The following NOP9 variants were observed in gnomAD, a reference collection of about 807,000 sequenced individuals.
NOP9 encodes the protein nucleolar protein 9.
A neutral mutation model predicts 63.0 loss-of-function variants in NOP9; 50 were observed. The observed-to-expected ratio is 0.79, with a 90% CI of 0.63 to 1.00. The LOEUF (loss-of-function observed/expected upper bound fraction) is 1.00. Ranked by LOEUF, NOP9 falls within the 50% of genes least tolerant of loss-of-function variation. The probability of loss-of-function intolerance (pLI) is 0.00; values close to 1 mark genes in which losing one functional copy is unlikely to be tolerated. For synonymous variants in NOP9, 343 were observed against 332.8 expected (o/e 1.03, Z -0.33); for missense variants, 758 against 803.0 (o/e 0.94, Z 0.68).
chr14:24,297,696 C>T (rs1175630114), upstream of NOP9, among the ~76,000 whole-genome samples: 1 of 152,032 alleles, frequency 6.6e-6, no homozygotes, highest in South Asian at 2.1e-4. Context: ...CTTCCAAGAC[C>T]CACTCTTTCC....
chr14:24,301,730 G>A lies in NOP9; in HGVS notation c.808+8G>A, dbSNP rs1375645801. The A allele has an allele frequency of 6.2e-7, 1 of 1,613,834 alleles. No homozygotes were observed. Among genetic ancestry groups the A allele is most frequent in the Non-Finnish European group, 8.5e-7 (1 of 1,179,718 alleles). On this transcript the variant is annotated splice_region_variant and intron_variant, in intron 3 of 9. Coordinates refer to ENST00000267425, the MANE Select transcript of NOP9 (RefSeq NM_174913.3). ...TTCTGAAGGACATTGCAGGTAAGGA[G>A]GGAAGTAGGAGGATGGTCTCGTATC...
the NOP9 span, chr14:24,291,072 G>A: frequency 8.1e-6 from 13 of 1,612,800 alleles, no homozygotes; most frequent in East Asian, 4.5e-5. Context: ...TGGAGAGACC[G>A]AGGGAGGAGT....
At chr14:24,292,403 A>G in the NOP9 span, 2 of 1,590,128 alleles carry the variant, frequency 1.3e-6, no homozygotes, top group South Asian at 2.2e-5. Flanking sequence ...CTCTGCTTCT[A>G]CTGTGAATGC....
chr14:24,306,738 A>G lies in NOP9; in HGVS notation c.*1643A>G. On this transcript the variant is annotated 3_prime_UTR_variant, in exon 10 of 10. Coordinates refer to ENST00000267425, the MANE Select transcript of NOP9 (RefSeq NM_174913.3). ...GACCTTTTTCCTCTTTGCTCCTACC[A>G]TGTCATTGGCATCTCCCCTTGCTCC... 1 of 580,628 alleles carries G rather than the reference A, an allele frequency of 1.7e-6. No homozygotes were observed. Among genetic ancestry groups the G allele is most frequent in the Admixed American group, 3.0e-5 (1 of 32,990 alleles). The allele number at this position is 580,628 out of a possible 1,614,324, so 36.0% of individuals were successfully genotyped here. A position where few individuals can be genotyped will look rare whatever the true frequency, so the allele number is the denominator to read the frequency against.
chr14:24,292,403 A>ACCCACC, the NOP9 span: 8 of 1,590,128 alleles, frequency 5.0e-6, no homozygotes, highest in African/African-American at 1.3e-5. Context: ...CTCTGCTTCT[A>ACCCACC]CTGTGAATGC....
In NOP9 at chr14:24,306,139, T is replaced by C. The variant is rs200868524; in HGVS notation, c.*1044T>C. On this transcript the variant is annotated 3_prime_UTR_variant, in exon 10 of 10. Coordinates refer to ENST00000267425, the MANE Select transcript of NOP9 (RefSeq NM_174913.3). ...CAGGCCATATGACAGCACTCCACTC[T>C]GTAGGACACCCTTGTCAGTGCAGTA... 63 of 1,612,872 alleles carry C rather than the reference T, an allele frequency of 3.9e-5. No individual in the cohort carries two copies. The highest frequency in any genetic ancestry group is 5.1e-5 in the Non-Finnish European group (60 of 1,179,400).
the NOP9 span, chr14:24,271,260 C>A: frequency 1.8e-6 from 2 of 1,096,892 alleles, no homozygotes; most frequent in Admixed American, 5.9e-5. Context: ...TGGGCAGAGA[C>A]CCCCAGAGTG....
chr14:24,274,991 C>T, the NOP9 span, among the ~76,000 whole-genome samples: 2 of 146,050 alleles, frequency 1.4e-5, no homozygotes, highest in East Asian at 4.1e-4. Context: ...TGGCTCACTG[C>T]AACTTGTGCC....
Position 24,307,310 on chromosome 14 carries a change from C to T in NOP9, c.*2215C>T. 5 of 1,540,020 alleles carry T rather than the reference C, an allele frequency of 3.2e-6. No homozygotes were observed. The highest frequency in any genetic ancestry group is 4.4e-6 in the Non-Finnish European group (5 of 1,135,734). On this transcript the variant is annotated 3_prime_UTR_variant, in exon 10 of 10. Transcript: ENST00000267425. ...CCTCTGCTCCATCATCACAAGTTGC[C>T]ACTGTTGTGGAGCCCCTTGGCTACC...
the NOP9 span, chr14:24,291,184 G>A: frequency 6.2e-7 from 1 of 1,614,138 alleles, no homozygotes; most frequent in Non-Finnish European, 8.5e-7. Flanking sequence ...TCACAGGATG[G>A]CAGCACCTTA....
At chr14:24,272,340 A>C in the NOP9 span, among the ~76,000 whole-genome samples, 1 of 152,232 alleles carries the variant, frequency 6.6e-6, no homozygotes, top group Non-Finnish European at 1.5e-5. Context: ...TCCCAGAGAC[A>C]CCTCAAACTC....
At chr14:24,300,919 G>C in intron 2 of NOP9, 62 bp downstream of exon 2, 2 of 1,352,542 alleles carry the variant, frequency 1.5e-6, no homozygotes, top group South Asian at 2.7e-5. Flanking sequence ...TTCAGAATGA[G>C]ACAGTAAACA....
the NOP9 span, chr14:24,291,813 C>T: frequency 1.6e-6 from 1 of 641,482 alleles, no homozygotes. Context: ...TCCAGGTGAG[C>T]CCTGTGCCCT....
the NOP9 span, chr14:24,292,912 G>A: frequency 1.6e-6 from 2 of 1,223,182 alleles, no homozygotes; most frequent in South Asian, 1.7e-5. Context: ...GGGTGGGTTA[G>A]CGACCTGAGG....
the NOP9 span, among the ~76,000 whole-genome samples, chr14:24,271,940 C>T: frequency 1.3e-5 from 2 of 152,118 alleles, no homozygotes; most frequent in South Asian, 2.1e-4. Flanking sequence ...TGACGCTACC[C>T]ATTTCTTTAT....
chr14:24,291,587 C>T, the NOP9 span: 1 of 1,614,230 alleles, frequency 6.2e-7, no homozygotes, highest in Non-Finnish European at 8.5e-7. Flanking sequence ...ATTTGCCACT[C>T]AATTCTGTGG....
chr14:24,291,116 G>T, the NOP9 span: 1 of 1,613,984 alleles, frequency 6.2e-7, no homozygotes, highest in South Asian at 1.1e-5. Flanking sequence ...AGTCAAGGCT[G>T]ACTGCTGTGC....
the NOP9 span, among the ~76,000 whole-genome samples, chr14:24,286,055 A>T: frequency 6.6e-5 from 10 of 152,170 alleles, no homozygotes; most frequent in African/African-American, 2.4e-4. Flanking sequence ...TGAGGAATTA[A>T]GCGTCTTCAG....
the NOP9 span, among the ~76,000 whole-genome samples, chr14:24,280,939 C>T: frequency 1.3e-5 from 2 of 152,108 alleles, no homozygotes; most frequent in Admixed American, 6.5e-5. Context: ...GGCCAGGCCT[C>T]GCAGCACCGG....
Sources: allele counts gnomAD v4.1 joint callset (sites outside exome capture counted in the v4.1 genomes callset), GRCh38; gene constraint gnomAD v4.1.1; transcripts MANE v1.5; gene names NCBI Gene and HGNC (gene_info 2026-07-23, HGNC 2026-07-21).